Variants in PXMP2 observed in about 807,000 individuals in gnomAD.
PXMP2 encodes the protein peroxisomal membrane protein 2.
PXMP2 carries 13 observed loss-of-function variants against 20.2 expected under a neutral mutation model. The observed-to-expected ratio is 0.64, with a 90% CI of 0.42 to 1.02. The LOEUF is 1.02. PXMP2 is among the 50% of genes least tolerant of loss of function. PXMP2 has a pLI of 0.00. For synonymous variants in PXMP2, 113 were observed against 111.2 expected (o/e 1.02, Z -0.10); for missense variants, 284 against 251.8 (o/e 1.13, Z -0.87).
intron 4 of PXMP2, among the ~76,000 whole-genome samples, chr12:132,704,250 C>G (rs557360332): frequency 2.0e-5 from 3 of 152,052 alleles, no homozygotes; most frequent in African/African-American, 7.2e-5. Flanking sequence ...CTCCGCTGTT[C>G]GTCAGCTGTG....
intron 1 of PXMP2, among the ~76,000 whole-genome samples, chr12:132,689,621 G>C (rs1333384446): frequency 6.6e-6 from 1 of 152,198 alleles, no homozygotes; most frequent in Non-Finnish European, 1.5e-5. Context: ...ATAGTCCAGA[G>C]AGCTTCTCAG....
intron 3 of PXMP2, among the ~76,000 whole-genome samples, chr12:132,698,307 G>A (rs2136065649): frequency 6.6e-6 from 1 of 152,304 alleles, no homozygotes; most frequent in South Asian, 2.1e-4. Context: ...ACTGCACCTG[G>A]CGTCACCTTC....
At chr12:132,703,379 A>AC (rs2043453585) in intron 4 of PXMP2, among the ~76,000 whole-genome samples, 1 of 152,020 alleles carries the variant, frequency 6.6e-6, no homozygotes, top group Non-Finnish European at 1.5e-5. Context: ...GTGGGTGCAG[A>AC]CGTGAAGCTG....
At chr12:132,691,316 G>T (rs2043365742) in intron 2 of PXMP2, among the ~76,000 whole-genome samples, 1 of 152,106 alleles carries the variant, frequency 6.6e-6, no homozygotes, top group African/African-American at 2.4e-5. Flanking sequence ...CCAAAGTGCT[G>T]GGATTACAGG....
At chr12:132,703,140 A>G (rs925864354) in intron 4 of PXMP2, among the ~76,000 whole-genome samples, 2 of 152,182 alleles carry the variant, frequency 1.3e-5, no homozygotes, top group African/African-American at 4.8e-5. Flanking sequence ...CATGCTCTCA[A>G]AGTCTGTGGG....
chr12:132,698,837 G>A (rs986723151), intron 3 of PXMP2, among the ~76,000 whole-genome samples: 6 of 152,150 alleles, frequency 3.9e-5, no homozygotes, highest in African/African-American at 1.4e-4. Flanking sequence ...GTGTTGGCCA[G>A]GCTGGTCTTG....
chr12:132,689,957 A>T (rs2043356808), intron 1 of PXMP2, among the ~76,000 whole-genome samples: 1 of 152,206 alleles, frequency 6.6e-6, no homozygotes, highest in Non-Finnish European at 1.5e-5. Flanking sequence ...GCGTCATGAT[A>T]GGGCTGTCCT....
intron 4 of PXMP2, among the ~76,000 whole-genome samples, chr12:132,704,123 G>A (rs1435089339): frequency 2.0e-5 from 3 of 152,208 alleles, no homozygotes; most frequent in East Asian, 1.9e-4. Context: ...ATAGCACCAC[G>A]TGCCAGGGAG....
chr12:132,691,329 C>T (rs1023468785), intron 2 of PXMP2, among the ~76,000 whole-genome samples: 5 of 151,972 alleles, frequency 3.3e-5, no homozygotes, highest in Non-Finnish European at 4.4e-5. Context: ...ATTACAGGCG[C>T]GAGCCACAGT....
chr12:132,691,330 G>A (rs946426890), intron 2 of PXMP2, among the ~76,000 whole-genome samples: 4 of 152,248 alleles, frequency 2.6e-5, no homozygotes, highest in Non-Finnish European at 4.4e-5. Context: ...TTACAGGCGC[G>A]AGCCACAGTG....
rs755205824 is a variant in PXMP2 at position 132,687,732 on chromosome 12, C to A, written c.62C>A (p.Ala21Glu). 2 of 1,217,150 alleles carry A rather than the reference C, an allele frequency of 1.6e-6. No individual in the cohort carries two copies. The highest frequency in any genetic ancestry group is 2.7e-5 in the South Asian group (1 of 36,926). The allele number at this position is 1,217,150 out of a possible 1,614,324, so 75.4% of individuals were successfully genotyped here. A position where few individuals can be genotyped will look rare whatever the true frequency, so the allele number is the denominator to read the frequency against. The change falls in exon 1 of 5, where the codon GCG becomes GAG. Residue 21 changes from alanine to glutamate, a missense_variant. Coordinates refer to ENST00000317479, the MANE Select transcript of PXMP2 (RefSeq NM_018663.3). Reference protein sequence around the residue: ...EAGLGALPRRALAQYLLFLRL... With the variant: ...EAGLGALPRRELAQYLLFLRL... ...GGGCTCGGGGCGCTGCCGCGGCGGG[C>A]GCTCGCCCAGTACCTGCTCTTCCTG...
intron 2 of PXMP2, among the ~76,000 whole-genome samples, chr12:132,694,848 CAGTTAGTGAGCTCCCTTAGCCAGTT>C (rs2043400941): frequency 8.1e-6 from 1 of 123,640 alleles, no homozygotes; most frequent in Non-Finnish European, 1.6e-5. Context: ...CTCCCTTAGC[CAGTTAGTGAGCTCCCTTAGCCAGTT>C]AGTTAGTGAG....
chr12:132,690,466 T>C (rs1238719732), intron 2 of PXMP2, 90 bp downstream of exon 2: 18 of 951,742 alleles, frequency 1.9e-5, no homozygotes, highest in Non-Finnish European at 2.7e-5. Context: ...GTACTCTTAT[T>C]TGGAAATATA....
intron 3 of PXMP2, among the ~76,000 whole-genome samples, chr12:132,698,658 T>G (rs1284601991): frequency 6.6e-6 from 1 of 152,096 alleles, no homozygotes; most frequent in Non-Finnish European, 1.5e-5. Context: ...AGATGGAGTC[T>G]CACTCTCGCC....
Position 132,701,303 on chromosome 12 carries a change from G to C in PXMP2, c.453G>C (p.Ala151=). The C allele has an allele frequency of 6.2e-7, 1 of 1,612,796 alleles. No individual in the cohort carries two copies. Among genetic ancestry groups the C allele is most frequent in the Non-Finnish European group, 8.5e-7 (1 of 1,179,630 alleles). ...AAKMRGGFWP[A]LRMNWRVWTP... ...AGATGAGGGGGGGCTTCTGGCCGGC[G>C]CTGAGGATGAACTGGCGGGTGTGGA... The change falls in exon 4 of 5, where the codon GCG becomes GCC. Residue 151 remains alanine (A), a synonymous_variant. Transcript: ENST00000317479.
intron 4 of PXMP2, chr12:132,701,599 G>A (rs2043442368): frequency 1.7e-6 from 1 of 576,274 alleles, no homozygotes; most frequent in Non-Finnish European, 2.9e-6. Context: ...AAGCAACAGA[G>A]AAGGGTGTCC....
At chr12:132,704,508 T>C (rs2043459540) in intron 4 of PXMP2, 111 bp from the exon 5 acceptor site, 2 of 807,900 alleles carry the variant, frequency 2.5e-6, no homozygotes, top group Admixed American at 3.2e-5. Flanking sequence ...GGATGGGTGG[T>C]TGGACCAGCT....
At chr12:132,692,714 C>A (rs1049236324) in intron 2 of PXMP2, among the ~76,000 whole-genome samples, 3 of 138,130 alleles carry the variant, frequency 2.2e-5, no homozygotes, top group Non-Finnish European at 4.6e-5. Flanking sequence ...TAGTGAGCAC[C>A]CTTGCCAGTT....
intron 4 of PXMP2, among the ~76,000 whole-genome samples, chr12:132,702,772 G>T (rs1219829964): frequency 6.6e-6 from 1 of 152,230 alleles, no homozygotes; most frequent in East Asian, 1.9e-4. Context: ...GAACAGGCCT[G>T]CAGTGGCTGG....
Sources: allele counts gnomAD v4.1 joint callset (sites outside exome capture counted in the v4.1 genomes callset), GRCh38; gene constraint gnomAD v4.1.1; transcripts MANE v1.5; gene names NCBI Gene and HGNC (gene_info 2026-07-23, HGNC 2026-07-21).